Variants in IGHMBP2 observed in about 807,000 individuals in gnomAD.
IGHMBP2 encodes DNA-binding protein SMUBP-2.
In IGHMBP2, 81 loss-of-function variants were observed where a neutral mutation model predicts 96.0. The observed-to-expected ratio is 0.84, with a 90% CI of 0.71 to 1.01. The LOEUF is 1.01. Ranked by LOEUF, IGHMBP2 falls within the 50% of genes least tolerant of loss-of-function variation. The pLI, the probability that IGHMBP2 is intolerant of heterozygous loss-of-function variation, is 0.00. For synonymous variants in IGHMBP2, 557 were observed against 548.9 expected (o/e 1.01, Z -0.21); for missense variants, 1,227 against 1,306.3 (o/e 0.94, Z 0.94).
chr11:68,938,791 C>T (rs1008233588), intron 14 of IGHMBP2, among the ~76,000 whole-genome samples: 8 of 152,078 alleles, frequency 5.3e-5, no homozygotes, highest in Non-Finnish European at 8.8e-5. Context: ...AAGCCGAGGT[C>T]TGAACCAGCC....
In IGHMBP2 at chr11:68,939,709, G is replaced by A. The variant is rs199863781; in HGVS notation, c.2960G>A (p.Arg987Gln). The A allele has an allele frequency of 5.3e-5, 86 of 1,611,146 alleles. No individual in the cohort carries two copies. The highest frequency in any genetic ancestry group is 3.8e-4 in the East Asian group (17 of 44,818). Reference sequence around the variant, plus strand: ...GAGCTCAGCAACCAGAGGACCAGCCGGAGGAAGGAGAGGGGGACGTGACCG... The same window carrying A: ...GAGCTCAGCAACCAGAGGACCAGCCAGAGGAAGGAGAGGGGGACGTGACCG... ...LSELSNQRTS[R>Q]RKERGT The change falls in exon 15 of 15, where the codon CGG becomes CAG. Residue 987 changes from arginine to glutamine, a missense_variant. Coordinates refer to ENST00000255078, the MANE Select transcript of IGHMBP2 (RefSeq NM_002180.3).
rs548354495 is a variant in IGHMBP2, at chr11:68,933,797, A to G, written c.1421A>G (p.Asp474Gly). 1.9e-6 allele frequency: 3 copies of G among 1,606,824 alleles called. No individual in the cohort carries two copies. The highest frequency in any genetic ancestry group is 1.7e-6 in the Non-Finnish European group (2 of 1,177,522). ...HSSVARHLLR[D>G]LPGVAATEET... ...CTCCCTCTCTGCCTGTGTGCCAGGGACCTCCCAGGTGTGGCTGCCACAGAA... is the reference window on the plus strand; with the variant it reads ...CTCCCTCTCTGCCTGTGTGCCAGGGGCCTCCCAGGTGTGGCTGCCACAGAA... The change falls in exon 10 of 15, where the codon GAC becomes GGC. Residue 474 changes from aspartate to glycine, a missense_variant and splice_region_variant. Physicochemically the swap from Asp to Gly is moderately conservative, Grantham distance 94. This residue lies in a region of IGHMBP2 where 703 missense variants were observed against 770.3 expected (regional missense o/e 0.91). Coordinates refer to ENST00000255078, the MANE Select transcript of IGHMBP2 (RefSeq NM_002180.3).
chr11:68,904,409 G>T (rs954853911), intron 1 of IGHMBP2, among the ~76,000 whole-genome samples: 20 of 152,200 alleles, frequency 1.3e-4, no homozygotes, highest in African/African-American at 4.8e-4. Flanking sequence ...CCGGCAGCAT[G>T]AGTCAGGTGC....
Position 68,934,026 on chromosome 11 carries a change from T to C in IGHMBP2, c.1537+113T>C, listed in dbSNP as rs541158075. The C allele has an allele frequency of 2.2e-3, 1,793 of 817,350 alleles. 7 individuals carry two copies. The highest frequency in any genetic ancestry group is 2.9e-3 in the Non-Finnish European group (1,401 of 481,174). 50.6% of individuals were successfully genotyped at this position (817,350 alleles called of 1,614,324 possible). On this transcript the variant is annotated intron_variant, in intron 10 of 14. Transcript: ENST00000255078. ...GGGAGGAGCTGAGAGCAGTTGTTGA[T>C]GGCCGTGAAAAAACGGAGCCCCACA...
At chr11:68,908,673 T>G in intron 4 of IGHMBP2, 42 bp downstream of exon 4, 3 of 1,343,864 alleles carry the variant, frequency 2.2e-6, no homozygotes, top group Non-Finnish European at 3.2e-6. Flanking sequence ...AAATCACTAC[T>G]GAAAGTATAG....
At chr11:68,923,705 G>C (rs1195456456) in intron 7 of IGHMBP2, among the ~76,000 whole-genome samples, 1 of 152,122 alleles carries the variant, frequency 6.6e-6, no homozygotes, top group Non-Finnish European at 1.5e-5. Context: ...TGACTGGTGG[G>C]ATTAGGTGCT....
intron 7 of IGHMBP2, among the ~76,000 whole-genome samples, chr11:68,918,953 G>C (rs1238090112): frequency 6.6e-6 from 1 of 151,856 alleles, no homozygotes; most frequent in Non-Finnish European, 1.5e-5. Flanking sequence ...TAGAAGCTGA[G>C]ATCATTGATT....
chr11:68,938,082 G>A (rs1859620632), intron 13 of IGHMBP2, 100 bp from the exon 14 acceptor site: 4 of 1,334,056 alleles, frequency 3.0e-6, no homozygotes, highest in African/African-American at 1.4e-5. Flanking sequence ...GGGATTACAG[G>A]TGTGAGCCAC....
intron 8 of IGHMBP2, 75 bp downstream of exon 8, chr11:68,929,432 C>T: frequency 7.1e-7 from 1 of 1,398,928 alleles, no homozygotes; most frequent in Non-Finnish European, 9.9e-7. Flanking sequence ...GCCAGGAGCC[C>T]CAGGCTCACC....
intron 7 of IGHMBP2, among the ~76,000 whole-genome samples, chr11:68,920,674 A>G (rs998105373): frequency 1.3e-5 from 2 of 152,054 alleles, no homozygotes; most frequent in Non-Finnish European, 2.9e-5. Context: ...AATAGAGACA[A>G]GATCTCACTG....
chr11:68,920,547 A>G (rs752210971), intron 7 of IGHMBP2, among the ~76,000 whole-genome samples: 8 of 152,210 alleles, frequency 5.3e-5, no homozygotes, highest in Non-Finnish European at 7.3e-5. Context: ...CAGTGGTGCA[A>G]TCATGGCTCC....
intron 7 of IGHMBP2, among the ~76,000 whole-genome samples, chr11:68,924,104 A>G (rs1858976343): frequency 6.6e-6 from 1 of 152,092 alleles, no homozygotes; most frequent in Non-Finnish European, 1.5e-5. Context: ...TGTCCTGAAG[A>G]GTGTGGTTTC....
rs774418677 is a variant in IGHMBP2 at position 68,933,338 on chromosome 11, C to T, written c.1275C>T (p.Arg425=). The change falls in exon 9 of 15, where the codon CGC becomes CGT. Residue 425 remains arginine, a synonymous_variant. Transcript: ENST00000255078. The part of the protein sequence containing the change: ...LAGLSLSLME[R]LAEEYGARVV... ...GACTGTCACTCAGCCTGATGGAACG[C>T]CTGGCTGAGGAGTACGGCGCGAGGG... is the stretch of plus-strand genomic sequence containing the variant. The T allele has an allele frequency of 1.2e-6, 2 of 1,613,178 alleles. No individual in the cohort carries two copies. The highest frequency in any genetic ancestry group is 2.2e-5 in the South Asian group (2 of 90,868).
chr11:68,926,228 G>T lies in IGHMBP2; in HGVS notation c.1061-2955G>T. On this transcript the variant is annotated intron_variant, in intron 7 of 14. Transcript: ENST00000255078. ...TGTTGAATCCTTCTAGTGAATTTCAGTTATTGTACTTTTCAACTCCAGAAT... is the reference window on the plus strand; with the variant it reads ...TGTTGAATCCTTCTAGTGAATTTCATTTATTGTACTTTTCAACTCCAGAAT... The T allele has an allele frequency of 1.4e-5, 2 of 138,982 alleles. 1 individual carries two copies. The highest frequency in any genetic ancestry group is 1.4e-4 in the Admixed American group (2 of 13,952). 8.6% of individuals were successfully genotyped at this position (138,982 alleles called of 1,614,324 possible). A position where few individuals can be genotyped will look rare whatever the true frequency, so the allele number is the denominator to read the frequency against.
intron 2 of IGHMBP2, among the ~76,000 whole-genome samples, chr11:68,907,522 G>T (rs1237195595): frequency 6.6e-6 from 1 of 152,166 alleles, no homozygotes; most frequent in Non-Finnish European, 1.5e-5. Context: ...AGCGTTGCCA[G>T]GGCTGTACTT....
At position 68,930,458 on chromosome 11, in the gene IGHMBP2, A is replaced by T. The variant is rs1859247298; in HGVS notation, c.1235+1101A>T. On this transcript the variant is annotated intron_variant, in intron 8 of 14. Coordinates refer to ENST00000255078, the MANE Select transcript of IGHMBP2 (RefSeq NM_002180.3). ...GGGTATGTAGAGAGAGGTGTCAAAA[A>T]TAGTAATTGAGAGTGAGCTTTGGGA... 3.9e-6 allele frequency: 5 copies of T among 1,286,444 alleles called. No individual in the cohort carries two copies. The South Asian group carries it at 6.2e-5, about 16-fold the overall frequency. 79.7% of individuals were successfully genotyped at this position (1,286,444 alleles called of 1,614,324 possible).
chr11:68,925,546 T>A (rs927589435), intron 7 of IGHMBP2, among the ~76,000 whole-genome samples: 2 of 152,040 alleles, frequency 1.3e-5, no homozygotes, highest in Non-Finnish European at 2.9e-5. Context: ...ATTTATGGGG[T>A]CTTTTATATC....
Position 68,914,949 on chromosome 11 carries a change from C to G in IGHMBP2, c.838C>G (p.Leu280Val). The change falls in exon 6 of 15, where the codon CTG becomes GTG. Residue 280 changes from leucine to valine, a missense_variant. Leu to Val is a conservative substitution (Grantham distance 32). Coordinates refer to ENST00000255078, the MANE Select transcript of IGHMBP2 (RefSeq NM_002180.3). ...RLLESIQQHS[L>V]DAVLARSDSA... ...CCTGGAGTCCATTCAGCAGCACTCCCTGGATGCGGTTTTAGCGCGGAGCGA... is the reference window on the plus strand; with the variant it reads ...CCTGGAGTCCATTCAGCAGCACTCCGTGGATGCGGTTTTAGCGCGGAGCGA... 6.2e-7 allele frequency: 1 copy of G among 1,614,104 alleles called. No individual in the cohort carries two copies. The highest frequency in any genetic ancestry group is 8.5e-7 in the Non-Finnish European group (1 of 1,180,010).
intron 11 of IGHMBP2, among the ~76,000 whole-genome samples, chr11:68,934,921 G>A (rs1443886201): frequency 6.6e-6 from 1 of 152,230 alleles, no homozygotes; most frequent in East Asian, 1.9e-4. Flanking sequence ...CTTGAGCCTT[G>A]CTGGTCTGGC....
Sources: allele counts gnomAD v4.1 joint callset (sites outside exome capture counted in the v4.1 genomes callset), GRCh38; gene constraint gnomAD v4.1.1; regional missense constraint gnomAD v4.1.1; transcripts MANE v1.5; gene names NCBI Gene and HGNC (gene_info 2026-07-23, HGNC 2026-07-21).